The following PDE1C variants were observed in gnomAD, a reference collection of about 807,000 sequenced individuals.
PDE1C encodes phosphodiesterase 1C, also known as dual specificity calcium/calmodulin-dependent 3',5'-cyclic nucleotide phosphodiesterase 1C.
Under a neutral mutation model 93.1 loss-of-function variants are expected in PDE1C, and 62 were observed. That is an observed-to-expected ratio of 0.67 (90% confidence interval 0.54 to 0.82). PDE1C has a LOEUF of 0.82. PDE1C is among the 40% of genes least tolerant of loss of function. PDE1C has a pLI of 0.00. For missense variants in PDE1C, 742 were observed against 884.6 expected, an observed-to-expected ratio of 0.84 and a Z score of 2.04; for synonymous variants, 325 against 310.1, an observed-to-expected ratio of 1.05 and a Z score of -0.50.
chr7:32,362,545 C>G (rs887391193), intron 1 of PDE1C, among the ~76,000 whole-genome samples: 11 of 152,110 alleles, frequency 7.2e-5, no homozygotes, highest in Admixed American at 1.3e-4. Context: ...CAGTGGCCAT[C>G]ATAGATGGAG....
At chr7:32,064,030 G>T (rs891841622) in intron 1 of PDE1C, among the ~76,000 whole-genome samples, 1 of 152,188 alleles carries the variant, frequency 6.6e-6, no homozygotes, top group African/African-American at 2.4e-5. Context: ...TTGAATGGGA[G>T]AGTAAAAGGA....
At chr7:32,003,003 C>T (rs1328471883) in intron 2 of PDE1C, among the ~76,000 whole-genome samples, 1 of 152,178 alleles carries the variant, frequency 6.6e-6, no homozygotes, top group Non-Finnish European at 1.5e-5. Flanking sequence ...CTAACTTATG[C>T]TCTGAGGTCT....
chr7:32,252,467 A>T (rs1809462506), intron 1 of PDE1C, among the ~76,000 whole-genome samples: 1 of 152,150 alleles, frequency 6.6e-6, no homozygotes, highest in African/African-American at 2.4e-5. Flanking sequence ...GTCTGGGGGG[A>T]AAGGGATACT....
At chr7:31,973,171 A>C (rs1584273204) in intron 2 of PDE1C, among the ~76,000 whole-genome samples, 1 of 152,360 alleles carries the variant, frequency 6.6e-6, no homozygotes, top group African/African-American at 2.4e-5. Flanking sequence ...AGAGGAAAAA[A>C]AATAAGTGAA....
chr7:31,786,900 TCTATCTATCTATC>T (rs1562791592), intron 16 of PDE1C: 18 of 5,104 alleles, frequency 3.5e-3, no homozygotes, highest in Non-Finnish European at 0.014. Flanking sequence ...ATATTATCTA[TCTATCTATCTATC>T]TATCTATCTA....
intron 1 of PDE1C, among the ~76,000 whole-genome samples, chr7:32,298,459 C>T (rs566450428): frequency 6.6e-6 from 1 of 152,104 alleles, no homozygotes; most frequent in South Asian, 2.1e-4. Context: ...CGAGGGGTGC[C>T]GGGGGGGACA....
intron 1 of PDE1C, among the ~76,000 whole-genome samples, chr7:32,251,635 AC>A (rs939846622): frequency 4.0e-5 from 6 of 151,642 alleles, no homozygotes; most frequent in African/African-American, 1.5e-4. Context: ...CCCTCACACA[AC>A]CCCTGCACCT....
intron 2 of PDE1C, among the ~76,000 whole-genome samples, chr7:31,950,798 T>A (rs765350054): frequency 6.6e-6 from 1 of 152,108 alleles, no homozygotes; most frequent in African/African-American, 2.4e-5. Flanking sequence ...CAAACTAAGA[T>A]TTTAGCTTGA....
intron 14 of PDE1C, among the ~76,000 whole-genome samples, chr7:31,817,231 G>C (rs1014244760): frequency 6.6e-6 from 1 of 152,102 alleles, no homozygotes; most frequent in African/African-American, 2.4e-5. Context: ...CCTTGACAAG[G>C]TGACATTTAA....
chr7:31,866,747 A>G (rs1027596155), intron 6 of PDE1C, among the ~76,000 whole-genome samples: 4 of 152,170 alleles, frequency 2.6e-5, no homozygotes, highest in African/African-American at 7.2e-5. Flanking sequence ...GGAAGGAGAG[A>G]GAATCAAGGC....
intron 3 of PDE1C, among the ~76,000 whole-genome samples, chr7:32,077,006 G>A (rs7782046): frequency 0.071 from 10,806 of 151,730 alleles, 412 homozygotes; most frequent in African/African-American, 0.083. Flanking sequence ...GGAGGCCGAG[G>A]CAGGCAGATT....
chr7:31,872,101 C>T (rs1167791054), intron 6 of PDE1C, among the ~76,000 whole-genome samples: 1 of 152,050 alleles, frequency 6.6e-6, no homozygotes, highest in Non-Finnish European at 1.5e-5. Context: ...GAAGTTATTA[C>T]ATTAAGTGAA....
the PDE1C span, among the ~76,000 whole-genome samples, chr7:31,694,380 T>TCAAACACACACA: frequency 0.025 from 2,746 of 108,968 alleles, 77 homozygotes; most frequent in African/African-American, 0.099. Context: ...TCTCTCTCTC[T>TCAAACACACACA]CTCTCAAACA....
intron 7 of PDE1C, among the ~76,000 whole-genome samples, chr7:31,859,205 T>C (rs1794387968): frequency 6.7e-6 from 1 of 149,500 alleles, no homozygotes; most frequent in Non-Finnish European, 1.5e-5. Context: ...ATATAGACTA[T>C]ATATATATGT....
At chr7:31,876,838 G>A (rs1278928564) in intron 5 of PDE1C, among the ~76,000 whole-genome samples, 2 of 152,068 alleles carry the variant, frequency 1.3e-5, no homozygotes, top group Admixed American at 6.5e-5. Flanking sequence ...AAGAAGAGAC[G>A]GAAAGGGTAG....
intron 3 of PDE1C, among the ~76,000 whole-genome samples, chr7:32,134,986 A>G (rs1563341709): frequency 2.0e-5 from 3 of 152,178 alleles, no homozygotes; most frequent in South Asian, 4.1e-4. Flanking sequence ...GTGAGATGAG[A>G]CCAAAAAGTG....
At chr7:32,306,509 C>T (rs1813006818) in intron 1 of PDE1C, among the ~76,000 whole-genome samples, 1 of 152,186 alleles carries the variant, frequency 6.6e-6, no homozygotes. Flanking sequence ...AGTCCAGGCT[C>T]CCACTGTCTC....
intron 1 of PDE1C, among the ~76,000 whole-genome samples, chr7:32,322,264 C>T (rs1198753669): frequency 6.6e-6 from 1 of 152,182 alleles, no homozygotes; most frequent in Non-Finnish European, 1.5e-5. Flanking sequence ...CTACAGCAGC[C>T]ATTCCTGGCC....
At chr7:31,820,874 T>C (rs1431415188) in intron 14 of PDE1C, 1 of 152,060 alleles carries the variant, frequency 6.6e-6, no homozygotes, top group Non-Finnish European at 1.5e-5. Context: ...GGTACCAACC[T>C]TGTGCAGGCT....
Sources: allele counts gnomAD v4.1 joint callset (sites outside exome capture counted in the v4.1 genomes callset), GRCh38; gene constraint gnomAD v4.1.1; transcripts MANE v1.5; gene names NCBI Gene and HGNC (gene_info 2026-07-23, HGNC 2026-07-21).